The following RAC1 variants were observed in gnomAD, a reference collection of about 807,000 sequenced individuals.
RAC1 encodes the protein Rac family small GTPase 1, also known as ras-related C3 botulinum toxin substrate 1.
Under a neutral mutation model 25.2 loss-of-function variants are expected in RAC1, and 2 were observed. That is an observed-to-expected ratio of 0.08 (90% CI 0.03 to 0.25). The LOEUF is 0.25. RAC1 is among the 10% of genes least tolerant of loss of function. The probability of loss-of-function intolerance (pLI) is 1.00; values close to 1 mark genes in which losing one functional copy is unlikely to be tolerated. For missense variants in RAC1, 50 were observed against 235.7 expected (o/e 0.21, Z 5.16); for synonymous variants, 88 against 94.0 (o/e 0.94, Z 0.37).
intron 3 of RAC1, among the ~76,000 whole-genome samples, chr7:6,397,030 C>CA (rs1449697913): frequency 2.4e-4 from 12 of 49,776 alleles, no homozygotes; most frequent in South Asian, 7.6e-4. Flanking sequence ...GACTCCCTCT[C>CA]AAAAACAAAA....
Position 6,391,913 on chromosome 7 carries a change from C to G in RAC1, c.108-11C>G. The stretch of plus-strand genomic sequence containing the variant: ...ACACCTGTGACTAACCATTTTCATT[C>G]CATTCTACAGCTTTGACAATTATTC... On this transcript the variant is annotated splice_polypyrimidine_tract_variant and intron_variant, in intron 2 of 5. Coordinates refer to ENST00000348035, the MANE Select transcript of RAC1 (RefSeq NM_006908.5). The G allele has an allele frequency of 1.2e-6, 2 of 1,613,990 alleles. No homozygotes were observed. The highest frequency in any genetic ancestry group is 1.7e-6 in the Non-Finnish European group (2 of 1,179,934).
chr7:6,384,514 T>TG (rs555944461), intron 1 of RAC1, among the ~76,000 whole-genome samples: 224 of 152,324 alleles, frequency 1.5e-3, no homozygotes, highest in Non-Finnish European at 2.6e-3. Context: ...GATCGTGCTT[T>TG]GTCACCTAGG....
rs780632786 is a variant in RAC1 at position 6,402,051 on chromosome 7, C to G, written c.448+24C>G. 8.1e-6 allele frequency: 13 copies of G among 1,603,582 alleles called. No homozygotes were observed. The South Asian group carries it at 1.5e-4, about 18-fold the overall frequency. ...TGGTATGGAATCCTGTGTTTTTCCT[C>G]CTCCTTGTACCTCTTTTATTGTAGT... On this transcript the variant is annotated intron_variant, in intron 5 of 5. Coordinates refer to ENST00000348035, the MANE Select transcript of RAC1 (RefSeq NM_006908.5).
intron 1 of RAC1, among the ~76,000 whole-genome samples, chr7:6,384,658 A>C (rs11514804): frequency 6.6e-6 from 1 of 151,898 alleles, no homozygotes; most frequent in African/African-American, 2.4e-5. Context: ...TTTTGTGGAA[A>C]CAAGGTCTCC....
At position 6,402,643 on chromosome 7, in the gene RAC1, A is replaced by G; in HGVS notation, c.*197A>G. On this transcript the variant is annotated 3_prime_UTR_variant, in exon 6 of 6. Transcript: ENST00000348035. ...GTAATTTTAAGGTTTTGTTTGTTCT[A>G]AATGTAAGAGTTCAGACTCACATTC... 1 of 504,844 alleles carries G rather than the reference A, an allele frequency of 2.0e-6. No individual in the cohort carries two copies. The highest frequency in any genetic ancestry group is 4.4e-5 in the South Asian group (1 of 22,932). The allele number at this position is 504,844 out of a possible 1,614,324, so 31.3% of individuals were successfully genotyped here. A position where few individuals can be genotyped will look rare whatever the true frequency, so the allele number is the denominator to read the frequency against.
intron 2 of RAC1, among the ~76,000 whole-genome samples, chr7:6,388,624 G>A (rs1224881576): frequency 6.6e-6 from 1 of 152,000 alleles, no homozygotes; most frequent in Non-Finnish European, 1.5e-5. Context: ...GATTACAGGC[G>A]TGAGCCACGG....
intron 1 of RAC1, among the ~76,000 whole-genome samples, chr7:6,376,779 GTTTTTTTT>G (rs35795933): frequency 8.6e-6 from 1 of 116,384 alleles, no homozygotes. Context: ...GCCTCGGCCT[GTTTTTTTT>G]TTTTTTTTTT....
chr7:6,402,224 C>G (rs940001279), intron 5 of RAC1, 92 bp from the exon 6 acceptor site: 16 of 1,510,302 alleles, frequency 1.1e-5, no homozygotes, highest in Non-Finnish European at 1.3e-5. Context: ...CGGCAGAAGG[C>G]GCCCGGGCCC....
chr7:6,387,740 AAAG>A (rs1782962432), intron 2 of RAC1, among the ~76,000 whole-genome samples: 1 of 152,144 alleles, frequency 6.6e-6, no homozygotes, highest in African/African-American at 2.4e-5. Context: ...GAAAAAAAAA[AAAG>A]AAACTTAGGG....
At chr7:6,391,856 T>C in intron 2 of RAC1, 68 bp from the exon 3 acceptor site, 1 of 1,609,056 alleles carries the variant, frequency 6.2e-7, no homozygotes, top group South Asian at 1.1e-5. Flanking sequence ...GCACACCTTC[T>C]CTAGGATGGC....
intron 3 of RAC1, among the ~76,000 whole-genome samples, chr7:6,392,906 G>A (rs1347265293): frequency 1.3e-5 from 2 of 152,196 alleles, no homozygotes; most frequent in South Asian, 2.1e-4. Context: ...AGATGAGTAC[G>A]TGTCACGCAC....
In RAC1 at chr7:6,403,107, T is replaced by C. The variant is rs1783466093; in HGVS notation, c.*661T>C. 1 of 209,988 alleles carries C rather than the reference T, an allele frequency of 4.8e-6. No homozygotes were observed. The highest frequency in any genetic ancestry group is 1.9e-4 in the South Asian group (1 of 5,308). The allele number at this position is 209,988 out of a possible 1,614,324, so 13.0% of individuals were successfully genotyped here. A position where few individuals can be genotyped will look rare whatever the true frequency, so the allele number is the denominator to read the frequency against. On this transcript the variant is annotated 3_prime_UTR_variant, in exon 6 of 6. Coordinates refer to ENST00000348035, the MANE Select transcript of RAC1 (RefSeq NM_006908.5). ...AACTGCTATTTCCTCTAATGAAGAA[T>C]TCTGTTTAGCTGTGGGTGTGCCGGG... is the stretch of plus-strand genomic sequence containing the variant.
chr7:6,384,648 T>G (rs1208838265), intron 1 of RAC1, among the ~76,000 whole-genome samples: 4 of 152,060 alleles, frequency 2.6e-5, no homozygotes, highest in Admixed American at 1.3e-4. Flanking sequence ...TTTTTGAATT[T>G]TTTGTGGAAA....
intron 2 of RAC1, among the ~76,000 whole-genome samples, chr7:6,389,203 CAAAAAAAAA>C (rs5882093): frequency 1.4e-5 from 2 of 138,692 alleles, no homozygotes; most frequent in Admixed American, 1.4e-4. Context: ...CTCTGTCTCC[CAAAAAAAAA>C]AAAAAATTAA....
chr7:6,396,408 G>A (rs1783235788), intron 3 of RAC1, among the ~76,000 whole-genome samples: 1 of 152,196 alleles, frequency 6.6e-6, no homozygotes, highest in Non-Finnish European at 1.5e-5. Flanking sequence ...GTTTTGGGAA[G>A]CTATATTTAG....
intron 3 of RAC1, among the ~76,000 whole-genome samples, chr7:6,396,529 A>C (rs982533469): frequency 2.6e-5 from 4 of 152,198 alleles, no homozygotes; most frequent in African/African-American, 9.7e-5. Context: ...CCATCAAAAA[A>C]GAGGCTCTTA....
rs141794927 is a variant in RAC1, at chr7:6,381,583, C to T, written c.36-5629C>T. Reference sequence around the variant, plus strand: ...AATTTCTTTTGTATTTTAGTAGAGACGGGGTTTCACTGTGCTGCCCAGGCT... The same window carrying T: ...AATTTCTTTTGTATTTTAGTAGAGATGGGGTTTCACTGTGCTGCCCAGGCT... On this transcript the variant is annotated intron_variant, in intron 1 of 5. Coordinates refer to ENST00000348035, the MANE Select transcript of RAC1 (RefSeq NM_006908.5). Among the ~76,000 whole-genome samples the T allele has an allele frequency of 9.1e-3, 1,332 of 145,576 alleles. 21 individuals are homozygous for T. Among genetic ancestry groups the T allele is most frequent in the African/African-American group, 0.031 (1,279 of 40,972 alleles).
intron 1 of RAC1, among the ~76,000 whole-genome samples, chr7:6,377,565 A>C (rs779081339): frequency 5.9e-5 from 9 of 152,198 alleles, no homozygotes; most frequent in Non-Finnish European, 1.3e-4. Context: ...ATTGCACTCC[A>C]GCCCGTGCGA....
intron 2 of RAC1, among the ~76,000 whole-genome samples, chr7:6,388,795 G>C (rs1209286288): frequency 6.6e-6 from 1 of 152,088 alleles, no homozygotes; most frequent in Non-Finnish European, 1.5e-5. Context: ...TTGGACTCTT[G>C]GTGTTAACAA....
Sources: allele counts gnomAD v4.1 joint callset (sites outside exome capture counted in the v4.1 genomes callset), GRCh38; gene constraint gnomAD v4.1.1; transcripts MANE v1.5; gene names NCBI Gene and HGNC (gene_info 2026-07-23, HGNC 2026-07-21).